The following HS3ST4 variants were observed in gnomAD, a reference collection of about 807,000 sequenced individuals.
HS3ST4 encodes the protein heparan sulfate-glucosamine 3-sulfotransferase 4.
Under a neutral mutation model 29.2 loss-of-function variants are expected in HS3ST4, and 17 were observed. That is an observed-to-expected ratio of 0.58 (90% CI 0.40 to 0.87). The LOEUF is 0.87. Among genes scored for constraint, HS3ST4 ranks in the 40% least tolerant of loss-of-function variants. The pLI, the probability that HS3ST4 is intolerant of heterozygous loss-of-function variation, is 0.00. For missense variants in HS3ST4, 627 were observed against 634.5 expected, an observed-to-expected ratio of 0.99 and a Z score of 0.13; for synonymous variants, 314 against 285.7, an observed-to-expected ratio of 1.10 and a Z score of -1.00.
chr16:26,105,575 G>A (rs180866222), intron 1 of HS3ST4, among the ~76,000 whole-genome samples: 1 of 152,344 alleles, frequency 6.6e-6, no homozygotes, highest in Non-Finnish European at 1.5e-5. Context: ...TCCAGGCAGT[G>A]GCTCCCATTT....
chr16:25,801,750 A>G (rs544045589), intron 1 of HS3ST4, among the ~76,000 whole-genome samples: 1 of 152,282 alleles, frequency 6.6e-6, no homozygotes, highest in South Asian at 2.1e-4. Flanking sequence ...CGTTTTATAA[A>G]GGCTATTTAT....
At chr16:25,782,718 G>A (rs1966853779) in intron 1 of HS3ST4, among the ~76,000 whole-genome samples, 1 of 152,094 alleles carries the variant, frequency 6.6e-6, no homozygotes, top group South Asian at 2.1e-4. Flanking sequence ...TCTGAAGCAA[G>A]CAACTCAAAT....
chr16:25,815,605 G>A (rs946795303), intron 1 of HS3ST4, among the ~76,000 whole-genome samples: 9 of 152,164 alleles, frequency 5.9e-5, no homozygotes, highest in African/African-American at 2.2e-4. Flanking sequence ...TTCCAGGCAT[G>A]AGCTACTGTG....
At chr16:25,724,349 C>A (rs1020642224) in intron 1 of HS3ST4, among the ~76,000 whole-genome samples, 5 of 143,094 alleles carry the variant, frequency 3.5e-5, no homozygotes, top group Non-Finnish European at 7.6e-5. Flanking sequence ...TGTTTCCATA[C>A]TAAAGCTCCC....
intron 1 of HS3ST4, among the ~76,000 whole-genome samples, chr16:25,814,146 T>C (rs1432963925): frequency 3.9e-5 from 6 of 152,212 alleles, no homozygotes; most frequent in African/African-American, 1.4e-4. Flanking sequence ...ATATCTTGTT[T>C]TCAGTGGAGG....
intron 1 of HS3ST4, among the ~76,000 whole-genome samples, chr16:25,847,208 T>A (rs1237294164): frequency 6.6e-6 from 1 of 152,174 alleles, no homozygotes; most frequent in Non-Finnish European, 1.5e-5. Context: ...TTAGTAAGTG[T>A]GTGTAGTTTT....
intron 1 of HS3ST4, among the ~76,000 whole-genome samples, chr16:25,996,002 GAA>G (rs61447217): frequency 5.8e-4 from 69 of 119,196 alleles, no homozygotes; most frequent in East Asian, 1.3e-3. Flanking sequence ...CTTCCTCCTT[GAA>G]AAAAAAAAAA....
At chr16:25,831,446 C>CACACACACACACA (rs1967298973) in intron 1 of HS3ST4, among the ~76,000 whole-genome samples, 1 of 145,556 alleles carries the variant, frequency 6.9e-6, no homozygotes, top group African/African-American at 2.5e-5. Context: ...CACACACAAA[C>CACACACACACACA]CTGACGTGGT....
chr16:25,850,453 G>GC (rs1967507740), intron 1 of HS3ST4, among the ~76,000 whole-genome samples: 2 of 152,214 alleles, frequency 1.3e-5, no homozygotes, highest in Admixed American at 1.3e-4. Flanking sequence ...GAAATGCCTA[G>GC]CCCCCCAAAT....
Position 25,724,583 on chromosome 16 carries a change from C to T in HS3ST4, c.734+31432C>T, listed in dbSNP as rs369711890. Among the ~76,000 whole-genome samples the T allele has an allele frequency of 8.5e-5, 13 of 152,106 alleles. No individual in the cohort carries two copies. The East Asian group carries it at 1.4e-3, about 16-fold the overall frequency. On this transcript the variant is annotated intron_variant, in intron 1 of 1. Transcript: ENST00000331351. Reference sequence around the variant, plus strand: ...TTCACTGTGTTGGCCAGGCTAGTCTCGAACTCCTGAACTCGTGATCCCCCC... The same window carrying T: ...TTCACTGTGTTGGCCAGGCTAGTCTTGAACTCCTGAACTCGTGATCCCCCC...
chr16:25,988,595 G>A (rs1969085139), intron 1 of HS3ST4, among the ~76,000 whole-genome samples: 1 of 152,036 alleles, frequency 6.6e-6, no homozygotes. Context: ...TTTTGTTTTT[G>A]TTGTTAAAGG....
chr16:26,060,683 T>C (rs1898464797), intron 1 of HS3ST4, among the ~76,000 whole-genome samples: 2 of 152,198 alleles, frequency 1.3e-5, no homozygotes, highest in Admixed American at 6.5e-5. Flanking sequence ...AAAACTTTTA[T>C]AATGATTGAG....
In HS3ST4 at chr16:26,080,802, A is replaced by T. The variant is rs557330770; in HGVS notation, c.735-54810A>T. On this transcript the variant is annotated intron_variant, in intron 1 of 1. Transcript: ENST00000331351. ...AGCCAGAGAAAGACCTCAAGCAGAG[A>T]GTTACAGATGCCGGTTGTTGCTACT... Among the ~76,000 whole-genome samples, 3 of 152,248 alleles carry T rather than the reference A, an allele frequency of 2.0e-5. No individual in the cohort carries two copies. In the South Asian group the frequency reaches 6.2e-4, roughly 32 times the overall value.
At chr16:26,023,944 A>G (rs1969440970) in intron 1 of HS3ST4, among the ~76,000 whole-genome samples, 1 of 152,032 alleles carries the variant, frequency 6.6e-6, no homozygotes, top group South Asian at 2.1e-4. Context: ...AGACAATGTC[A>G]ATGGGTGCGG....
At chr16:26,025,353 A>G (rs1969458931) in intron 1 of HS3ST4, 1 of 154,350 alleles carries the variant, frequency 6.5e-6, no homozygotes, top group Non-Finnish European at 1.5e-5. Context: ...TCCATCATCT[A>G]TTACCGTTTC....
intron 1 of HS3ST4, among the ~76,000 whole-genome samples, chr16:25,715,323 C>G (rs188844081): frequency 0.036 from 3,558 of 98,998 alleles, 76 homozygotes; most frequent in South Asian, 0.087. Flanking sequence ...AGCGAGACTC[C>G]GTCTCAAAAA....
intron 1 of HS3ST4, among the ~76,000 whole-genome samples, chr16:25,923,798 A>C (rs981351160): frequency 6.6e-6 from 1 of 152,052 alleles, no homozygotes; most frequent in African/African-American, 2.4e-5. Flanking sequence ...GTCAATATTT[A>C]CTGAGCTGGG....
rs146678840 is a variant in HS3ST4, at chr16:26,075,084, G to A, written c.735-60528G>A. Among the ~76,000 whole-genome samples the A allele has an allele frequency of 6.0e-3, 919 of 152,172 alleles. 9 individuals carry two copies. Among genetic ancestry groups the A allele is most frequent in the Admixed American group, 0.011 (171 of 15,294 alleles). ...GGTACGCGCCTGTAGTCCCAGCTAC[G>A]CAGGAGGCTGAGGCAGGAGAATCGC... On this transcript the variant is annotated intron_variant, in intron 1 of 1. Coordinates refer to ENST00000331351, the MANE Select transcript of HS3ST4 (RefSeq NM_006040.3).
intron 1 of HS3ST4, among the ~76,000 whole-genome samples, chr16:25,895,292 A>G (rs895437455): frequency 2.6e-5 from 4 of 152,184 alleles, no homozygotes. Flanking sequence ...GGGATATGGC[A>G]GGATATAAAG....
Sources: allele counts gnomAD v4.1 joint callset (sites outside exome capture counted in the v4.1 genomes callset), GRCh38; gene constraint gnomAD v4.1.1; transcripts MANE v1.5; gene names NCBI Gene and HGNC (gene_info 2026-07-23, HGNC 2026-07-21).